The following MACROD2 variants were observed in gnomAD, a reference collection of about 807,000 sequenced individuals.
The protein encoded by MACROD2 is mono-ADP ribosylhydrolase 2.
MACROD2 carries 36 observed loss-of-function variants against 70.4 expected under a neutral mutation model. That is an observed-to-expected ratio of 0.51 (90% confidence interval 0.39 to 0.68). The LOEUF (loss-of-function observed/expected upper bound fraction) is 0.68, where lower values mean the gene tolerates loss of function less well. Among genes scored for constraint, MACROD2 ranks in the 30% least tolerant of loss-of-function variants. The probability of loss-of-function intolerance (pLI) is 0.00; values close to 1 mark genes in which losing one functional copy is unlikely to be tolerated. For missense variants in MACROD2, 496 were observed against 538.4 expected (o/e 0.92, Z 0.78); for synonymous variants, 172 against 178.8 (o/e 0.96, Z 0.30).
chr20:14,071,585 G>A (rs1266846940), intron 2 of MACROD2, among the ~76,000 whole-genome samples: 1 of 151,662 alleles, frequency 6.6e-6, no homozygotes, highest in Admixed American at 6.6e-5. Flanking sequence ...GATTAAAATT[G>A]AGTTAACAGA....
At chr20:14,131,337 A>G (rs1028159998) in intron 3 of MACROD2, among the ~76,000 whole-genome samples, 6 of 152,184 alleles carry the variant, frequency 3.9e-5, no homozygotes, top group African/African-American at 1.4e-4. Context: ...TAAAACAAAC[A>G]TAGTTTATAG....
intron 3 of MACROD2, among the ~76,000 whole-genome samples, chr20:14,122,602 G>T (rs2148693377): frequency 6.6e-6 from 1 of 152,234 alleles, no homozygotes; most frequent in East Asian, 1.9e-4. Flanking sequence ...TTTTCCCCAT[G>T]ATAAGATCAA....
At chr20:15,611,289 C>CA (rs2048965959) in intron 8 of MACROD2, among the ~76,000 whole-genome samples, 1 of 152,196 alleles carries the variant, frequency 6.6e-6, no homozygotes, top group African/African-American at 2.4e-5. Flanking sequence ...CTGCCTCCCC[C>CA]AAAAAATGCC....
chr20:14,691,706 C>T (rs1363546748), intron 5 of MACROD2, among the ~76,000 whole-genome samples: 1 of 152,114 alleles, frequency 6.6e-6, no homozygotes, highest in African/African-American at 2.4e-5. Context: ...GTGGACTCTC[C>T]CAGCAGGTGT....
intron 3 of MACROD2, among the ~76,000 whole-genome samples, chr20:14,252,706 T>C (rs868634572): frequency 6.6e-6 from 1 of 152,040 alleles, no homozygotes; most frequent in African/African-American, 2.4e-5. Flanking sequence ...TCTCATGTTC[T>C]TGTTATTTCT....
At chr20:15,143,245 T>C (rs6079679) in intron 5 of MACROD2, among the ~76,000 whole-genome samples, 89,625 of 152,010 alleles carry the variant, frequency 0.59, 26,557 homozygotes, top group East Asian at 0.65. Context: ...TTTTGATTTA[T>C]ATTTCTCTGA....
chr20:15,317,539 C>G (rs1260129056), intron 6 of MACROD2, among the ~76,000 whole-genome samples: 3 of 142,106 alleles, frequency 2.1e-5, no homozygotes, highest in African/African-American at 8.3e-5. Context: ...CTATCTATCT[C>G]TATCAAGATA....
At chr20:15,785,041 A>G (rs1020960527) in intron 8 of MACROD2, among the ~76,000 whole-genome samples, 5 of 151,022 alleles carry the variant, frequency 3.3e-5, no homozygotes, top group African/African-American at 1.2e-4. Context: ...AGTCCCAGCT[A>G]CTCGGGAGGC....
At chr20:14,696,638 A>C (rs531485993) in intron 5 of MACROD2, among the ~76,000 whole-genome samples, 123 of 152,236 alleles carry the variant, frequency 8.1e-4, no homozygotes, top group Non-Finnish European at 1.7e-3. Flanking sequence ...TGACATTTTC[A>C]GGAAAGATTT....
rs530039800 is a variant in MACROD2, at chr20:16,044,498, A to G, written c.1232-73A>G. ...TAGGAAATCAGGAAAGTATCAAATCATGGGTCATTTTAATGTGTCTCAGAG... is the reference window on the plus strand; with the variant it reads ...TAGGAAATCAGGAAAGTATCAAATCGTGGGTCATTTTAATGTGTCTCAGAG... On this transcript the variant is annotated intron_variant, in intron 16 of 17. Transcript: ENST00000684519. The G allele has an allele frequency of 6.3e-6, 8 of 1,261,526 alleles. No homozygotes were observed. In the African/African-American group the frequency reaches 1.2e-4, roughly 19 times the overall value. The allele number at this position is 1,261,526 out of a possible 1,614,324, so 78.1% of individuals were successfully genotyped here. A position where few individuals can be genotyped will look rare whatever the true frequency, so the allele number is the denominator to read the frequency against.
intron 5 of MACROD2, among the ~76,000 whole-genome samples, chr20:15,174,222 G>A (rs1350029580): frequency 6.6e-6 from 1 of 152,118 alleles, no homozygotes; most frequent in Non-Finnish European, 1.5e-5. Flanking sequence ...ATCTTTAAAT[G>A]TATGGTTTCT....
At chr20:15,671,983 G>C (rs2049986150) in intron 8 of MACROD2, among the ~76,000 whole-genome samples, 1 of 152,174 alleles carries the variant, frequency 6.6e-6, no homozygotes, top group African/African-American at 2.4e-5. Flanking sequence ...CATTCCTGCA[G>C]AGATGTAAAG....
chr20:14,409,595 G>T (rs1398391521), intron 3 of MACROD2, among the ~76,000 whole-genome samples: 1 of 152,020 alleles, frequency 6.6e-6, no homozygotes, highest in Non-Finnish European at 1.5e-5. Flanking sequence ...GGGTTGCCTT[G>T]TATATCATAC....
At chr20:14,603,315 T>G (rs1332766008) in intron 4 of MACROD2, among the ~76,000 whole-genome samples, 4 of 152,178 alleles carry the variant, frequency 2.6e-5, no homozygotes, top group African/African-American at 9.7e-5. Flanking sequence ...TCACAGAAGT[T>G]GGAGGAAAGA....
chr20:14,187,082 C>T (rs943938560), intron 3 of MACROD2, among the ~76,000 whole-genome samples: 5 of 148,332 alleles, frequency 3.4e-5, no homozygotes, highest in South Asian at 4.2e-4. Flanking sequence ...AACAAACCTG[C>T]GCGTGTACCC....
chr20:14,595,643 C>T (rs929301553), intron 4 of MACROD2, among the ~76,000 whole-genome samples: 7 of 152,128 alleles, frequency 4.6e-5, no homozygotes, highest in Admixed American at 1.3e-4. Flanking sequence ...GCATGTATGT[C>T]GAGTCGAATT....
intron 6 of MACROD2, among the ~76,000 whole-genome samples, chr20:15,414,616 A>G (rs994865480): frequency 1.3e-5 from 2 of 152,220 alleles, no homozygotes; most frequent in African/African-American, 4.8e-5. Context: ...AGGTACAAGT[A>G]TAGAGCACAC....
At chr20:14,179,447 A>G (rs2081289648) in intron 3 of MACROD2, among the ~76,000 whole-genome samples, 1 of 152,060 alleles carries the variant, frequency 6.6e-6, no homozygotes, top group South Asian at 2.1e-4. Flanking sequence ...ATACTTTTCA[A>G]CTATTCTTCA....
At chr20:14,295,631 CA>C in intron 3 of MACROD2, among the ~76,000 whole-genome samples, 1 of 151,824 alleles carries the variant, frequency 6.6e-6, no homozygotes, top group East Asian at 1.9e-4. Flanking sequence ...TTTAACTTAA[CA>C]ATGTATTTAT....
Sources: gnomAD v4.1 joint callset for allele counts (sites outside exome capture counted in the v4.1 genomes callset) on GRCh38, gnomAD v4.1.1 for gene constraint, MANE v1.5 for transcripts, NCBI Gene and HGNC (gene_info 2026-07-23, HGNC 2026-07-21) for gene names.